The following SETD9 variants were observed in gnomAD, a reference collection of about 807,000 sequenced individuals.
SETD9 encodes SET domain-containing protein 9.
Under a neutral mutation model 36.4 loss-of-function variants are expected in SETD9, and 37 were observed. The ratio of observed to expected loss-of-function variants is 1.02; its 90% CI spans 0.78 to 1.34. The LOEUF is 1.34. Among genes scored for constraint, SETD9 ranks in the 40% most tolerant of loss-of-function variants. The probability of loss-of-function intolerance (pLI) is 0.00; values close to 1 mark genes in which losing one functional copy is unlikely to be tolerated. For missense variants in SETD9, 323 were observed against 353.2 expected (o/e 0.91, Z 0.69); for synonymous variants, 128 against 132.9 (o/e 0.96, Z 0.26).
chr5:56,915,057 AT>A (rs564044423), intron 5 of SETD9, 91 bp downstream of exon 5: 5,290 of 823,126 alleles, frequency 6.4e-3, no homozygotes, highest in South Asian at 0.01. Context: ...TTGGGGTAAA[AT>A]TTTTTTTTTA....
chr5:56,927,213 A>T (rs1193340062), downstream of SETD9, among the ~76,000 whole-genome samples: 1 of 152,220 alleles, frequency 6.6e-6, no homozygotes, highest in Non-Finnish European at 1.5e-5. Context: ...AATGTACAAC[A>T]TGAAGAGCGA....
downstream of SETD9, chr5:56,921,898 C>A (rs1378477861): frequency 6.6e-6 from 1 of 152,482 alleles, no homozygotes. Flanking sequence ...ACAAAAATGG[C>A]CAAAGTTTAG....
intron 2 of SETD9, 125 bp from the exon 3 acceptor site, chr5:56,912,886 G>A (rs1446898329): frequency 2.2e-5 from 22 of 980,272 alleles, no homozygotes; most frequent in Middle Eastern, 3.1e-4. Flanking sequence ...GCTATTGGGC[G>A]TTCACGCTTT....
intron 1 of SETD9, chr5:56,910,811 C>G (rs1213274219): frequency 1.1e-5 from 2 of 183,396 alleles, no homozygotes; most frequent in South Asian, 1.9e-4. Flanking sequence ...GGGTGTAGTA[C>G]GGGAAAGAGC....
At chr5:56,921,056 C>T (rs1749648968), downstream of SETD9, 1 of 152,432 alleles carries the variant, frequency 6.6e-6, no homozygotes, top group Admixed American at 6.6e-5. Context: ...ACACTGTTTC[C>T]ATCTTATATC....
At chr5:56,913,488 A>G (rs544228509) in intron 3 of SETD9, among the ~76,000 whole-genome samples, 2 of 150,228 alleles carry the variant, frequency 1.3e-5, no homozygotes, top group East Asian at 3.9e-4. Flanking sequence ...GGTTCAAGTG[A>G]TTTTCCTGCC....
chr5:56,918,991 T>C (rs1749538883), downstream of SETD9, among the ~76,000 whole-genome samples: 1 of 152,230 alleles, frequency 6.6e-6, no homozygotes, highest in Admixed American at 6.5e-5. Context: ...AAATGTAGTC[T>C]GTCAAATAAT....
chr5:56,916,350 C>A (rs1245335327), intron 5 of SETD9, among the ~76,000 whole-genome samples: 3 of 152,100 alleles, frequency 2.0e-5, no homozygotes, highest in Non-Finnish European at 4.4e-5. Context: ...CAAGGTCACA[C>A]CACTGCACAC....
At chr5:56,926,100 A>T (rs1451157408), downstream of SETD9, among the ~76,000 whole-genome samples, 1 of 152,174 alleles carries the variant, frequency 6.6e-6, no homozygotes, top group Non-Finnish European at 1.5e-5. Flanking sequence ...AAATTAACTC[A>T]AAATGGATTA....
At chr5:56,920,204 T>C (rs1403593624), downstream of SETD9, 4 of 152,590 alleles carry the variant, frequency 2.6e-5, no homozygotes, top group Non-Finnish European at 1.5e-5. Flanking sequence ...TAAACAGTAT[T>C]CTACATCCTT....
At chr5:56,920,910 T>C (rs1749641769), downstream of SETD9, 1 of 152,572 alleles carries the variant, frequency 6.6e-6, no homozygotes, top group Admixed American at 6.5e-5. Context: ...AAAATCAGAT[T>C]GACATTTAAA....
intron 5 of SETD9, among the ~76,000 whole-genome samples, chr5:56,924,287 T>A (rs1749848849): frequency 6.6e-6 from 1 of 152,180 alleles, no homozygotes; most frequent in South Asian, 2.1e-4. Context: ...TGTATTAGTT[T>A]ATAAAACAAG....
chr5:56,910,588 C>T (rs1203082124), intron 1 of SETD9: 2 of 330,406 alleles, frequency 6.1e-6, no homozygotes, highest in Non-Finnish European at 1.2e-5. Context: ...GGAATTACAA[C>T]CTTTTTGTTC....
chr5:56,910,996 A>T, intron 1 of SETD9, 173 bp from the exon 2 acceptor site: 3 of 580,494 alleles, frequency 5.2e-6, no homozygotes, highest in Non-Finnish European at 8.3e-6. Context: ...AAGTGTTGGG[A>T]GTTAGCTAAC....
chr5:56,910,997 G>T lies in SETD9; in HGVS notation c.99-172G>T, dbSNP rs1229508552. 6 of 607,010 alleles carry T rather than the reference G, an allele frequency of 9.9e-6. No homozygotes were observed. In the East Asian group the frequency reaches 1.9e-4, roughly 19 times the overall value. The allele number at this position is 607,010 out of a possible 1,614,324, so 37.6% of individuals were successfully genotyped here. A position where few individuals can be genotyped will look rare whatever the true frequency, so the allele number is the denominator to read the frequency against. ...ACTACTTGGGTGGGAAGTGTTGGGAGTTAGCTAACTAGAACTCCCTCAAAC... is the reference window on the plus strand; with the variant it reads ...ACTACTTGGGTGGGAAGTGTTGGGATTTAGCTAACTAGAACTCCCTCAAAC... On this transcript the variant is annotated intron_variant, in intron 1 of 5. Transcript: ENST00000285947.
downstream of SETD9, among the ~76,000 whole-genome samples, chr5:56,919,079 A>AATG (rs1367201098): frequency 6.6e-6 from 1 of 151,910 alleles, no homozygotes; most frequent in African/African-American, 2.4e-5. Flanking sequence ...AAACATAATA[A>AATG]ATGTTTCCTG....
chr5:56,917,813 T>C (rs1749495398), downstream of SETD9, among the ~76,000 whole-genome samples: 1 of 152,218 alleles, frequency 6.6e-6, no homozygotes, highest in African/African-American at 2.4e-5. Context: ...TCCCGTTTTA[T>C]TAGCAATAGT....
chr5:56,923,280 G>A (rs1749765800), intron 5 of SETD9: 1 of 1,614,144 alleles, frequency 6.2e-7, no homozygotes, highest in Non-Finnish European at 8.5e-7. Context: ...TCCACACCCA[G>A]GTTATTTACA....
At chr5:56,922,906 T>A in intron 5 of SETD9, 2 of 531,436 alleles carry the variant, frequency 3.8e-6, no homozygotes, top group Non-Finnish European at 6.7e-6. Flanking sequence ...CACCACAGAG[T>A]TCAATCTTAG....
Sources: gnomAD v4.1 joint callset for allele counts (sites outside exome capture counted in the v4.1 genomes callset) on GRCh38, gnomAD v4.1.1 for gene constraint, MANE v1.5 for transcripts, NCBI Gene and HGNC (gene_info 2026-07-23, HGNC 2026-07-21) for gene names.